Variants in CDK6 observed in about 807,000 individuals in gnomAD.
CDK6 encodes cyclin-dependent kinase 6.
CDK6 carries 6 observed loss-of-function variants against 37.1 expected under a neutral mutation model. That is an observed-to-expected ratio of 0.16 (90% CI 0.09 to 0.32). The LOEUF (loss-of-function observed/expected upper bound fraction) is 0.32. Among genes scored for constraint, CDK6 ranks in the 10% least tolerant of loss-of-function variants. The pLI is 1.00. For missense variants in CDK6, 224 were observed against 418.9 expected (o/e 0.53, Z 4.06); for synonymous variants, 160 against 161.3 (o/e 0.99, Z 0.06).
At chr7:92,786,035 A>G (rs1186010534) in intron 2 of CDK6, among the ~76,000 whole-genome samples, 2 of 152,226 alleles carry the variant, frequency 1.3e-5, no homozygotes, top group Non-Finnish European at 2.9e-5. Flanking sequence ...AAGTGAGTTA[A>G]GTGTATTTTT....
chr7:92,709,899 T>G (rs1168698393), intron 4 of CDK6, among the ~76,000 whole-genome samples: 1 of 152,220 alleles, frequency 6.6e-6, no homozygotes, highest in Non-Finnish European at 1.5e-5. Context: ...TCATTCTTAG[T>G]CTAATCAACA....
intron 2 of CDK6, among the ~76,000 whole-genome samples, chr7:92,821,961 A>G (rs1801184620): frequency 6.6e-6 from 1 of 152,048 alleles, no homozygotes; most frequent in Non-Finnish European, 1.5e-5. Context: ...GCATGTCAAT[A>G]TTTTAATATG....
At chr7:92,630,715 A>C (rs1173315499) in intron 5 of CDK6, among the ~76,000 whole-genome samples, 2 of 152,142 alleles carry the variant, frequency 1.3e-5, no homozygotes, top group Non-Finnish European at 2.9e-5. Flanking sequence ...CTCTTCATAT[A>C]ACCACAGAGC....
intron 3 of CDK6, among the ~76,000 whole-genome samples, chr7:92,753,728 T>C (rs889764447): frequency 6.6e-6 from 1 of 152,190 alleles, no homozygotes; most frequent in Non-Finnish European, 1.5e-5. Context: ...GTGCCTCAAG[T>C]TTCCTGCCTG....
intron 4 of CDK6, among the ~76,000 whole-genome samples, chr7:92,688,447 T>C (rs1797515276): frequency 6.6e-6 from 1 of 152,158 alleles, no homozygotes; most frequent in Non-Finnish European, 1.5e-5. Flanking sequence ...ACTGTGTGAC[T>C]CAGTAGTTCA....
intron 4 of CDK6, among the ~76,000 whole-genome samples, chr7:92,694,608 TATCA>T (rs1402989169): frequency 7.2e-5 from 11 of 152,224 alleles, no homozygotes; most frequent in African/African-American, 1.4e-4. Context: ...ACATATCACT[TATCA>T]ATGTAGCTAC....
intron 2 of CDK6, among the ~76,000 whole-genome samples, chr7:92,801,935 GTCTCCTCTTC>G (rs753775424): frequency 6.7e-6 from 1 of 148,616 alleles, no homozygotes; most frequent in Non-Finnish European, 1.5e-5. Context: ...CTCTCTTTTC[GTCTCCTCTTC>G]TCTCCTCCCC....
chr7:92,830,792 C>T (rs1801458239), intron 2 of CDK6, among the ~76,000 whole-genome samples: 1 of 152,202 alleles, frequency 6.6e-6, no homozygotes, highest in Admixed American at 6.5e-5. Flanking sequence ...CACTGAATTT[C>T]ATGGCTCGTG....
chr7:92,642,834 C>A (rs766868937), intron 5 of CDK6, among the ~76,000 whole-genome samples: 2 of 151,852 alleles, frequency 1.3e-5, no homozygotes, highest in African/African-American at 2.4e-5. Context: ...TTCACTACAT[C>A]GCATCGTTTG....
chr7:92,698,345 C>A (rs572269049), intron 4 of CDK6, among the ~76,000 whole-genome samples: 3 of 152,192 alleles, frequency 2.0e-5, no homozygotes, highest in Non-Finnish European at 4.4e-5. Flanking sequence ...CCTCTCTTAG[C>A]GAACAAAGCA....
At chr7:92,724,978 C>A (rs960412041) in intron 4 of CDK6, 5 of 957,136 alleles carry the variant, frequency 5.2e-6, no homozygotes, top group Non-Finnish European at 6.2e-6. Context: ...TAGAAGCTAA[C>A]CAATGTCAAT....
In CDK6 at chr7:92,833,608, TTCC is replaced by T; in HGVS notation, c.-288_-286del. 1.9e-6 allele frequency: 1 copy of T among 536,716 alleles called. No individual in the cohort carries two copies. The highest frequency in any genetic ancestry group is 2.7e-5 in the South Asian group (1 of 37,584). 33.2% of individuals were successfully genotyped at this position (536,716 alleles called of 1,614,324 possible). On this transcript the variant is annotated 5_prime_UTR_variant, in exon 2 of 8. Coordinates refer to ENST00000424848, the MANE Select transcript of CDK6 (RefSeq NM_001145306.2). The surrounding 1 kb of genome is among the most constrained non-coding windows in gnomAD (Gnocchi z 6.1). ...CGGAGGAGCGAGCCGATCCCTCCTC[TTCC>T]CTCCTCGAAGCGAAGTCCTCAACAC...
At chr7:92,652,678 T>C (rs1297061116) in intron 5 of CDK6, among the ~76,000 whole-genome samples, 1 of 152,152 alleles carries the variant, frequency 6.6e-6, no homozygotes, top group African/African-American at 2.4e-5. Flanking sequence ...CACATTCCTA[T>C]AGGGTCATTA....
intron 4 of CDK6, among the ~76,000 whole-genome samples, chr7:92,712,590 G>A (rs146965705): frequency 2.4e-3 from 368 of 152,164 alleles, no homozygotes; most frequent in African/African-American, 8.6e-3. Flanking sequence ...CCAAGAAGTC[G>A]TTATAGAAAT....
At chr7:92,631,938 G>A (rs1796062441) in intron 5 of CDK6, among the ~76,000 whole-genome samples, 1 of 152,244 alleles carries the variant, frequency 6.6e-6, no homozygotes, top group South Asian at 2.1e-4. Context: ...ATAAAAATTA[G>A]AAAATACAAA....
In CDK6 at chr7:92,604,980, T is replaced by G. The variant is rs1795393110; in HGVS notation, c.*10160A>C. 1 of 213,630 alleles carries G rather than the reference T, an allele frequency of 4.7e-6. No individual in the cohort carries two copies. The highest frequency in any genetic ancestry group is 1.9e-4 in the South Asian group (1 of 5,294). 13.2% of individuals were successfully genotyped at this position (213,630 alleles called of 1,614,324 possible). A position where few individuals can be genotyped will look rare whatever the true frequency, so the allele number is the denominator to read the frequency against. Reference sequence around the variant, plus strand: ...CACTACAGTTATACTCATTTTACATTAAAGTAAAAAAGAAAATAGCCAGGA... The same window carrying G: ...CACTACAGTTATACTCATTTTACATGAAAGTAAAAAAGAAAATAGCCAGGA... On this transcript the variant is annotated 3_prime_UTR_variant, in exon 8 of 8. Transcript: ENST00000424848.
chr7:92,668,416 CAG>C (rs1253130898), intron 5 of CDK6, among the ~76,000 whole-genome samples: 10 of 151,524 alleles, frequency 6.6e-5, no homozygotes, highest in Non-Finnish European at 1.5e-4. Flanking sequence ...AGTAAACTGA[CAG>C]AGAGTAGTAA....
At chr7:92,818,424 C>T (rs1272046975) in intron 2 of CDK6, among the ~76,000 whole-genome samples, 1 of 151,866 alleles carries the variant, frequency 6.6e-6, no homozygotes, top group Non-Finnish European at 1.5e-5. Context: ...ACTCTTAGCT[C>T]AAGCCAAACA....
intron 2 of CDK6, among the ~76,000 whole-genome samples, chr7:92,832,099 A>C (rs907123514): frequency 3.3e-5 from 5 of 152,208 alleles, no homozygotes; most frequent in African/African-American, 1.2e-4. Context: ...ATCACAACCC[A>C]ATTTGCAGAA....
Sources: allele counts gnomAD v4.1 joint callset (sites outside exome capture counted in the v4.1 genomes callset), GRCh38; gene constraint gnomAD v4.1.1; non-coding constraint Gnocchi (gnomAD v3.1); transcripts MANE v1.5; gene names NCBI Gene and HGNC (gene_info 2026-07-23, HGNC 2026-07-21).